The following DDX10 variants were observed in gnomAD, a reference collection of about 807,000 sequenced individuals.
The protein encoded by DDX10 is probable ATP-dependent RNA helicase DDX10.
In DDX10, 74 loss-of-function variants were observed where a neutral mutation model predicts 104.3. The ratio of observed to expected loss-of-function variants is 0.71; its 90% CI spans 0.59 to 0.86. The LOEUF is 0.86. Ranked by LOEUF, DDX10 falls within the 40% of genes least tolerant of loss-of-function variation. The probability of loss-of-function intolerance (pLI) is 0.00; values close to 1 mark genes in which losing one functional copy is unlikely to be tolerated. For synonymous variants in DDX10, 351 were observed against 353.4 expected, an observed-to-expected ratio of 0.99 and a Z score of 0.08; for missense variants, 952 against 1,040.0, an observed-to-expected ratio of 0.92 and a Z score of 1.16.
chr11:108,819,174 T>G (rs1468371976), intron 13 of DDX10, among the ~76,000 whole-genome samples: 2 of 152,216 alleles, frequency 1.3e-5, no homozygotes, highest in Non-Finnish European at 2.9e-5. Flanking sequence ...TTTCCATGTC[T>G]GTTTTGTTAT....
chr11:108,867,460 C>G lies in DDX10; in HGVS notation c.2304+15251C>G, dbSNP rs140335351. On this transcript the variant is annotated intron_variant, in intron 16 of 17. Transcript: ENST00000322536. ...GGCCAATAATTTTTAAAATTGAGAT[C>G]TAGTCTCATCCATGATAAAATACCA... is the stretch of plus-strand genomic sequence containing the variant. 3.1e-3 allele frequency among the ~76,000 whole-genome samples: 465 copies of G among 152,258 alleles called. 3 individuals carry two copies. The highest frequency in any genetic ancestry group is 4.6e-3 in the East Asian group (24 of 5,170).
At chr11:108,790,228 G>T (rs993591688) in intron 13 of DDX10, among the ~76,000 whole-genome samples, 12 of 152,132 alleles carry the variant, frequency 7.9e-5, no homozygotes, top group Non-Finnish European at 1.8e-4. Flanking sequence ...TTGACTTCAT[G>T]TATGTTCACT....
intron 6 of DDX10, among the ~76,000 whole-genome samples, chr11:108,686,441 C>G (rs1394090265): frequency 6.6e-6 from 1 of 152,172 alleles, no homozygotes; most frequent in Admixed American, 6.5e-5. Context: ...TTTACTGTCT[C>G]CATAGTGTCA....
chr11:108,833,429 G>A (rs182894582), intron 13 of DDX10, among the ~76,000 whole-genome samples: 23 of 152,286 alleles, frequency 1.5e-4, no homozygotes, highest in Middle Eastern at 3.4e-3. Flanking sequence ...GCCTTGGATG[G>A]CGCTGACATT....
At chr11:108,747,319 G>T (rs1416925346) in intron 13 of DDX10, among the ~76,000 whole-genome samples, 6 of 152,142 alleles carry the variant, frequency 3.9e-5, no homozygotes. Flanking sequence ...TAACTGATCA[G>T]TTGGTAGTGA....
chr11:108,713,483 TTTTG>T (rs370108015), intron 10 of DDX10, among the ~76,000 whole-genome samples: 1,720 of 152,206 alleles, frequency 0.011, 31 homozygotes, highest in African/African-American at 0.04. Flanking sequence ...TTACAGTTCT[TTTTG>T]TTCTCTCGCA....
chr11:108,870,324 T>C (rs1863063930), intron 16 of DDX10, among the ~76,000 whole-genome samples: 1 of 152,152 alleles, frequency 6.6e-6, no homozygotes, highest in African/African-American at 2.4e-5. Context: ...TTCTGAATTA[T>C]AGTGGCCAGA....
chr11:108,857,147 T>G (rs751111582), intron 16 of DDX10, among the ~76,000 whole-genome samples: 6 of 152,210 alleles, frequency 3.9e-5, no homozygotes, highest in Non-Finnish European at 7.3e-5. Flanking sequence ...TCATTCCCTG[T>G]TATTGTTTAT....
intron 13 of DDX10, among the ~76,000 whole-genome samples, chr11:108,754,600 G>A (rs1565268513): frequency 6.6e-6 from 1 of 151,986 alleles, no homozygotes; most frequent in Non-Finnish European, 1.5e-5. Context: ...GTGATTAAAA[G>A]CACTTGGAAA....
intron 16 of DDX10, among the ~76,000 whole-genome samples, chr11:108,907,170 A>G (rs953789893): frequency 6.6e-6 from 1 of 150,674 alleles, no homozygotes; most frequent in African/African-American, 2.4e-5. Context: ...AAATATCCCC[A>G]TTGTTTTGGA....
rs150005780 is a variant in DDX10 at position 108,870,730 on chromosome 11, C to G, written c.2304+18521C>G. On this transcript the variant is annotated intron_variant, in intron 16 of 17. Transcript: ENST00000322536. ...CTCCATAGTACTTCTCTCTACCAGGCAATATATAAATACATACTAGTTTGT... is the reference window on the plus strand; with the variant it reads ...CTCCATAGTACTTCTCTCTACCAGGGAATATATAAATACATACTAGTTTGT... Among the ~76,000 whole-genome samples the G allele has an allele frequency of 3.3e-4, 51 of 152,254 alleles. No individual in the cohort carries two copies. In the East Asian group the frequency reaches 9.4e-3, roughly 28 times the overall value.
At chr11:108,708,245 T>G (rs1351199625) in intron 10 of DDX10, among the ~76,000 whole-genome samples, 1 of 150,730 alleles carries the variant, frequency 6.6e-6, no homozygotes, top group Non-Finnish European at 1.5e-5. Context: ...GAGTGGATAT[T>G]GGATTTTGTT....
At chr11:108,864,660 G>A (rs1256767436) in intron 16 of DDX10, among the ~76,000 whole-genome samples, 1 of 151,750 alleles carries the variant, frequency 6.6e-6, no homozygotes, top group East Asian at 1.9e-4. Flanking sequence ...AGGTCTTCCT[G>A]TGTTGCCCAG....
chr11:108,764,392 G>A (rs767639122), intron 13 of DDX10, among the ~76,000 whole-genome samples: 1 of 152,210 alleles, frequency 6.6e-6, no homozygotes, highest in Non-Finnish European at 1.5e-5. Flanking sequence ...AATGGGCCAG[G>A]TGCGGTGGCT....
intron 13 of DDX10, among the ~76,000 whole-genome samples, chr11:108,819,228 AC>A (rs1413063531): frequency 2.0e-5 from 3 of 152,054 alleles, no homozygotes; most frequent in Non-Finnish European, 4.4e-5. Context: ...GAAGCTTGTC[AC>A]AGAACTCTTA....
intron 12 of DDX10, among the ~76,000 whole-genome samples, chr11:108,721,029 A>G (rs969035545): frequency 6.6e-6 from 1 of 152,058 alleles, no homozygotes; most frequent in Non-Finnish European, 1.5e-5. Context: ...TACTTTGAAT[A>G]TCAGCATGAA....
At chr11:108,688,250 A>T (rs1454167826) in intron 6 of DDX10, among the ~76,000 whole-genome samples, 1 of 152,176 alleles carries the variant, frequency 6.6e-6, no homozygotes, top group African/African-American at 2.4e-5. Context: ...TAATTCAAAG[A>T]GTAAATGCAT....
intron 16 of DDX10, among the ~76,000 whole-genome samples, chr11:108,881,115 A>C (rs1002192967): frequency 6.6e-6 from 1 of 152,220 alleles, no homozygotes; most frequent in Non-Finnish European, 1.5e-5. Context: ...CATTGTGAGC[A>C]CAAAATTTTA....
At chr11:108,751,242 A>T (rs1039885440) in intron 13 of DDX10, among the ~76,000 whole-genome samples, 1 of 152,136 alleles carries the variant, frequency 6.6e-6, no homozygotes, top group African/African-American at 2.4e-5. Flanking sequence ...GTAAATATGT[A>T]AGTAAACCTA....
Sources: gnomAD v4.1 joint callset for allele counts (sites outside exome capture counted in the v4.1 genomes callset) on GRCh38, gnomAD v4.1.1 for gene constraint, MANE v1.5 for transcripts, NCBI Gene and HGNC (gene_info 2026-07-23, HGNC 2026-07-21) for gene names.